The following NR2F1-AS1 variants were observed in gnomAD, a reference collection of about 807,000 sequenced individuals.
The protein encoded by NR2F1-AS1 is NR2F1 regulatory antisense RNA 1, also known as NR2F1 antisense RNA 1.
At chr5:93,554,406 T>C (rs1009372290) in intron 3 of NR2F1-AS1, among the ~76,000 whole-genome samples, 4 of 152,180 alleles carry the variant, frequency 2.6e-5, no homozygotes, top group Non-Finnish European at 4.4e-5. Flanking sequence ...TGTTCATTCT[T>C]GTTAATACCG....
intron 4 of NR2F1-AS1, among the ~76,000 whole-genome samples, chr5:93,514,376 A>G (rs1021828901): frequency 3.3e-5 from 5 of 152,108 alleles, no homozygotes; most frequent in Admixed American, 1.3e-4. Context: ...ATACAGCTCA[A>G]AGACATACAT....
chr5:93,519,528 T>G (rs1751462400), intron 4 of NR2F1-AS1, among the ~76,000 whole-genome samples: 1 of 151,964 alleles, frequency 6.6e-6, no homozygotes, highest in Non-Finnish European at 1.5e-5. Flanking sequence ...CACTGTATGT[T>G]TTGGTAATAA....
chr5:93,482,307 G>A (rs531948349), intron 4 of NR2F1-AS1, among the ~76,000 whole-genome samples: 135 of 152,220 alleles, frequency 8.9e-4, no homozygotes, highest in Non-Finnish European at 5.6e-4. Context: ...AGGATGAGCC[G>A]AAGCAGGTGG....
intron 4 of NR2F1-AS1, among the ~76,000 whole-genome samples, chr5:93,525,394 T>G (rs1426638662): frequency 6.6e-6 from 1 of 152,022 alleles, no homozygotes; most frequent in East Asian, 1.9e-4. Flanking sequence ...AGATGTACAC[T>G]CCCACACAAT....
chr5:93,581,916 CTCTCTCTCTCTCTCTGGG>C (rs1753094490), upstream of NR2F1-AS1, among the ~76,000 whole-genome samples: 1 of 118,716 alleles, frequency 8.4e-6, no homozygotes, highest in East Asian at 2.7e-4. Context: ...GGGTCTCTCT[CTCTCTCTCTCTCTCTGGG>C]TCTCTCTCTC....
chr5:93,526,175 T>A (rs1751610487), intron 4 of NR2F1-AS1, among the ~76,000 whole-genome samples: 1 of 152,038 alleles, frequency 6.6e-6, no homozygotes, highest in South Asian at 2.1e-4. Context: ...AAAGGCAATA[T>A]CACCACTGAT....
At chr5:93,521,032 T>C (rs939321403) in intron 4 of NR2F1-AS1, among the ~76,000 whole-genome samples, 4 of 151,984 alleles carry the variant, frequency 2.6e-5, no homozygotes, top group Non-Finnish European at 5.9e-5. Flanking sequence ...CATAGACCAA[T>C]GGAACAGAAC....
chr5:93,466,455 GC>G (rs1310281557), intron 4 of NR2F1-AS1, among the ~76,000 whole-genome samples: 2 of 151,768 alleles, frequency 1.3e-5, no homozygotes, highest in Admixed American at 1.3e-4. Context: ...TCCTGCCTCA[GC>G]CTTCCAAGTC....
At chr5:93,418,260 T>C (rs1255342165) in intron 4 of NR2F1-AS1, among the ~76,000 whole-genome samples, 1 of 152,140 alleles carries the variant, frequency 6.6e-6, no homozygotes, top group Non-Finnish European at 1.5e-5. Flanking sequence ...GTTTGCAGTT[T>C]TGGACACCCA....
intron 4 of NR2F1-AS1, among the ~76,000 whole-genome samples, chr5:93,454,755 A>C (rs558246703): frequency 5.2e-4 from 79 of 152,252 alleles, no homozygotes; most frequent in Non-Finnish European, 9.4e-4. Flanking sequence ...TGACTTAATC[A>C]ATCATGCCTA....
chr5:93,478,910 T>C lies in NR2F1-AS1; in HGVS notation n.638+74851A>G, dbSNP rs117056961. On this transcript the variant is annotated intron_variant and non_coding_transcript_variant, in intron 4 of 5. Coordinates refer to ENST00000660523, the Ensembl canonical transcript of NR2F1-AS1. ...TATAACTCATTCAAACTGGAAAGCT[T>C]TTAAGAATGAACGTGGAGGAAAGTG... 1.7e-3 allele frequency among the ~76,000 whole-genome samples: 266 copies of C among 152,296 alleles called. 4 individuals carry two copies. In the East Asian group the frequency reaches 0.046, roughly 26 times the overall value.
rs1751203785 is a variant in NR2F1-AS1, at chr5:93,507,259, ATG to A, written n.638+46500_638+46501del. On this transcript the variant is annotated intron_variant and non_coding_transcript_variant, in intron 4 of 5. Coordinates refer to ENST00000660523, the Ensembl canonical transcript of NR2F1-AS1. ...CTTTAAAATCAGAAACAAGATAAAA[ATG>A]TGTGTTAGTACTGCTTCTAGTTAGG... Among the ~76,000 whole-genome samples the A allele has an allele frequency of 2.0e-5, 3 of 152,350 alleles. No individual in the cohort carries two copies. The South Asian group carries it at 6.2e-4, about 32-fold the overall frequency.
chr5:93,490,671 G>T (rs1240263781), intron 4 of NR2F1-AS1, among the ~76,000 whole-genome samples: 1 of 151,336 alleles, frequency 6.6e-6, no homozygotes, highest in Non-Finnish European at 1.5e-5. Context: ...TGTAGTCATG[G>T]TGGTGATGGG....
intron 4 of NR2F1-AS1, among the ~76,000 whole-genome samples, chr5:93,429,440 T>C (rs1253309801): frequency 2.0e-5 from 3 of 152,214 alleles, no homozygotes; most frequent in Admixed American, 2.0e-4. Flanking sequence ...ATATTATCAA[T>C]TTCAATTCAA....
At chr5:93,580,183 G>C (rs1752990089) in intron 1 of NR2F1-AS1, among the ~76,000 whole-genome samples, 1 of 152,228 alleles carries the variant, frequency 6.6e-6, no homozygotes, top group Admixed American at 6.5e-5. Context: ...ATAGCGGGTG[G>C]GGGTGGGAGC....
At chr5:93,469,447 A>C (rs1750319337) in intron 4 of NR2F1-AS1, among the ~76,000 whole-genome samples, 1 of 152,128 alleles carries the variant, frequency 6.6e-6, no homozygotes, top group Non-Finnish European at 1.5e-5. Context: ...CACGCAGTGC[A>C]TTACCTTACC....
intron 2 of NR2F1-AS1, among the ~76,000 whole-genome samples, chr5:93,559,583 T>C (rs1401728533): frequency 6.6e-6 from 1 of 152,234 alleles, no homozygotes; most frequent in Non-Finnish European, 1.5e-5. Context: ...CTTAATCATT[T>C]CTAGCTTTTG....
chr5:93,505,808 G>T (rs1751174106), intron 4 of NR2F1-AS1, among the ~76,000 whole-genome samples: 1 of 152,210 alleles, frequency 6.6e-6, no homozygotes, highest in Non-Finnish European at 1.5e-5. Flanking sequence ...CCAGGCTTGT[G>T]ATGGGAGGGC....
At chr5:93,483,583 C>G (rs540729218) in intron 4 of NR2F1-AS1, among the ~76,000 whole-genome samples, 57 of 152,306 alleles carry the variant, frequency 3.7e-4, no homozygotes, top group African/African-American at 1.3e-3. Flanking sequence ...GGGAACAAAA[C>G]TGGACTGAGG....
Sources: gnomAD v4.1 joint callset for allele counts (sites outside exome capture counted in the v4.1 genomes callset) on GRCh38, gnomAD v4.1.1 for gene constraint, MANE v1.5 for transcripts, NCBI Gene and HGNC (gene_info 2026-07-23, HGNC 2026-07-21) for gene names.